The following GNG10 variants were observed in gnomAD, a reference collection of about 807,000 sequenced individuals.
The protein encoded by GNG10 is G protein subunit gamma 10.
In GNG10, 7 loss-of-function variants were observed where a neutral mutation model predicts 6.8. The observed-to-expected ratio is 1.02, with a 90% CI of 0.58 to 1.92. The LOEUF (loss-of-function observed/expected upper bound fraction) is 1.92, where lower values mean the gene tolerates loss of function less well. GNG10 is among the 30% of genes most tolerant of loss of function. GNG10 has a pLI of 0.00. For synonymous variants in GNG10, 28 were observed against 34.8 expected, an observed-to-expected ratio of 0.80 and a Z score of 0.69; for missense variants, 57 against 86.1, an observed-to-expected ratio of 0.66 and a Z score of 1.34.
chr9:111,667,433 T>C (rs1196818196), intron 2 of GNG10, among the ~76,000 whole-genome samples: 22 of 152,086 alleles, frequency 1.4e-4, no homozygotes, highest in Non-Finnish European at 1.5e-4. Flanking sequence ...TTTCACCATA[T>C]TGGTCAGGCT....
At chr9:111,663,076 A>T (rs988819624) in intron 1 of GNG10, among the ~76,000 whole-genome samples, 4 of 152,112 alleles carry the variant, frequency 2.6e-5, no homozygotes, top group African/African-American at 9.7e-5. Context: ...GAAAGAAGGT[A>T]AGGGTGTGTG....
intron 2 of GNG10, among the ~76,000 whole-genome samples, chr9:111,668,860 A>T (rs1830953647): frequency 1.4e-5 from 2 of 145,832 alleles, no homozygotes; most frequent in Non-Finnish European, 3.0e-5. Flanking sequence ...TGTTACTTTC[A>T]TTTTTTTTTT....
At chr9:111,665,428 T>C (rs1186714707) in intron 1 of GNG10, among the ~76,000 whole-genome samples, 1 of 152,228 alleles carries the variant, frequency 6.6e-6, no homozygotes, top group Non-Finnish European at 1.5e-5. Context: ...GTTCTGCTGA[T>C]CTTCTGGGCT....
At position 111,661,801 on chromosome 9, in the gene GNG10, G is replaced by C. The variant is rs1830823277; in HGVS notation, c.81+86G>C. On this transcript the variant is annotated intron_variant, in intron 1 of 2. Coordinates refer to ENST00000374293, the MANE Select transcript of GNG10 (RefSeq NM_001017998.4). This position sits in a 1 kb window ranked among gnomAD's most constrained non-coding sequence, Gnocchi z 6.1. Reference sequence around the variant, plus strand: ...CCGGCGGCCCGGACCGGGCGCCAGCGGGGGACTCGGTGGCGGCGGCGAGGC... The same window carrying C: ...CCGGCGGCCCGGACCGGGCGCCAGCCGGGGACTCGGTGGCGGCGGCGAGGC... 5.2e-6 allele frequency: 4 copies of C among 768,544 alleles called. No individual in the cohort carries two copies. The South Asian group carries it at 2.1e-4, about 41-fold the overall frequency. The allele number at this position is 768,544 out of a possible 1,614,324, so 47.6% of individuals were successfully genotyped here.
intron 2 of GNG10, among the ~76,000 whole-genome samples, chr9:111,667,923 C>G (rs548680665): frequency 6.6e-6 from 1 of 152,254 alleles, no homozygotes; most frequent in East Asian, 1.9e-4. Flanking sequence ...GTGGCGCGAT[C>G]TTGGCTCACT....
At chr9:111,663,366 G>T (rs970734348) in intron 1 of GNG10, among the ~76,000 whole-genome samples, 4 of 152,174 alleles carry the variant, frequency 2.6e-5, no homozygotes, top group Non-Finnish European at 5.9e-5. Context: ...TAGCAGGGGA[G>T]GTATGCCAGA....
In GNG10 at chr9:111,661,832, C is replaced by T; in HGVS notation, c.81+117C>T. The T allele has an allele frequency of 2.4e-6, 1 of 423,648 alleles. No homozygotes were observed. Among genetic ancestry groups the T allele is most frequent in the Non-Finnish European group, 3.5e-6 (1 of 286,422 alleles). 26.2% of individuals were successfully genotyped at this position (423,648 alleles called of 1,614,324 possible). A position where few individuals can be genotyped will look rare whatever the true frequency, so the allele number is the denominator to read the frequency against. On this transcript the variant is annotated intron_variant, in intron 1 of 2. Transcript: ENST00000374293. The surrounding 1 kb of genome is among the most constrained non-coding windows in gnomAD (Gnocchi z 6.1). ...CTCGGTGGCGGCGGCGAGGCCTCGG[C>T]GGGGCGCGGGGGCGGTGGGGTCCGC...
At chr9:111,666,218 A>G (rs938530270) in intron 1 of GNG10, among the ~76,000 whole-genome samples, 1 of 152,148 alleles carries the variant, frequency 6.6e-6, no homozygotes, top group South Asian at 2.1e-4. Flanking sequence ...GTGAGTTACT[A>G]TTTCTAATTA....
chr9:111,666,160 T>C (rs1053981155), intron 1 of GNG10, among the ~76,000 whole-genome samples: 24 of 152,166 alleles, frequency 1.6e-4, no homozygotes, highest in African/African-American at 5.6e-4. Context: ...GCTATTCTAA[T>C]AGCTTTATAT....
chr9:111,665,882 A>G (rs1589356682), intron 1 of GNG10, among the ~76,000 whole-genome samples: 1 of 145,226 alleles, frequency 6.9e-6, no homozygotes. Context: ...GCACGCCACC[A>G]CACCCGGTTA....
chr9:111,668,389 T>C (rs1830939640), intron 2 of GNG10, among the ~76,000 whole-genome samples: 2 of 152,124 alleles, frequency 1.3e-5, no homozygotes, highest in African/African-American at 4.8e-5. Context: ...AATAGTCTTA[T>C]GTTGGCATAG....
intron 1 of GNG10, among the ~76,000 whole-genome samples, chr9:111,665,928 G>A (rs1380024514): frequency 6.9e-6 from 1 of 145,818 alleles, no homozygotes; most frequent in Non-Finnish European, 1.5e-5. Context: ...TAGAGACAGG[G>A]TTTCACCATG....
At chr9:111,668,900 A>G (rs1346840142) in intron 2 of GNG10, among the ~76,000 whole-genome samples, 1 of 151,750 alleles carries the variant, frequency 6.6e-6, no homozygotes, top group African/African-American at 2.4e-5. Context: ...TCTTGTTTCC[A>G]GGCTGCAGTG....
At chr9:111,665,627 T>G (rs1196085531) in intron 1 of GNG10, among the ~76,000 whole-genome samples, 4 of 152,200 alleles carry the variant, frequency 2.6e-5, no homozygotes, top group Admixed American at 2.6e-4. Context: ...CAGTTCCACC[T>G]GCACCAAGAG....
chr9:111,665,591 T>C (rs1170821394), intron 1 of GNG10, among the ~76,000 whole-genome samples: 1 of 152,166 alleles, frequency 6.6e-6, no homozygotes, highest in Non-Finnish European at 1.5e-5. Context: ...GGAGGCTATC[T>C]TGGGCTCCTT....
At chr9:111,665,955 C>A (rs564197589) in intron 1 of GNG10, among the ~76,000 whole-genome samples, 1 of 146,490 alleles carries the variant, frequency 6.8e-6, no homozygotes, top group South Asian at 2.2e-4. Flanking sequence ...AGGCTGGTCT[C>A]GAACTCCTGA....
At chr9:111,667,067 C>T in intron 2 of GNG10, 121 bp downstream of exon 2, 2 of 1,441,434 alleles carry the variant, frequency 1.4e-6, no homozygotes, top group East Asian at 4.8e-5. Context: ...CAAGAGCCAG[C>T]AAAATGCACA....
intron 2 of GNG10, among the ~76,000 whole-genome samples, chr9:111,667,241 C>CTT (rs138880312): frequency 5.9e-5 from 9 of 151,546 alleles, no homozygotes; most frequent in Admixed American, 4.6e-4. Context: ...TTCTTTCTTT[C>CTT]TTTTTTTTGA....
At position 111,669,421 on chromosome 9, in the gene GNG10, T is replaced by C. The variant is rs1158474555; in HGVS notation, c.*159T>C. On this transcript the variant is annotated 3_prime_UTR_variant, in exon 3 of 3. Transcript: ENST00000374293. ...AGCCAAAATCACAGATATTCATGAG[T>C]TTCTACTTGAGTGAGAAAACTGGGT... The C allele has an allele frequency of 6.6e-6, 1 of 151,840 alleles. No homozygotes were observed. The highest frequency in any genetic ancestry group is 1.5e-5 in the Non-Finnish European group (1 of 67,992). The allele number at this position is 151,840 out of a possible 1,614,324, so 9.4% of individuals were successfully genotyped here. A position where few individuals can be genotyped will look rare whatever the true frequency, so the allele number is the denominator to read the frequency against.
Sources: allele counts gnomAD v4.1 joint callset (sites outside exome capture counted in the v4.1 genomes callset), GRCh38; gene constraint gnomAD v4.1.1; non-coding constraint Gnocchi (gnomAD v3.1); transcripts MANE v1.5; gene names NCBI Gene and HGNC (gene_info 2026-07-23, HGNC 2026-07-21).